Variants in TNN observed in about 807,000 individuals in gnomAD.
TNN encodes the protein tenascin-N.
TNN carries 122 observed loss-of-function variants against 134.4 expected under a neutral mutation model. The observed-to-expected ratio is 0.91, with a 90% CI of 0.78 to 1.06. The LOEUF (loss-of-function observed/expected upper bound fraction) is 1.06. Among genes scored for constraint, TNN ranks in the 50% least tolerant of loss-of-function variants. TNN has a pLI of 0.00. For synonymous variants in TNN, 710 were observed against 670.3 expected (o/e 1.06, Z -0.91); for missense variants, 1,739 against 1,699.4 (o/e 1.02, Z -0.41).
In TNN at chr1:175,137,015, A is replaced by G. The variant is rs781511143; in HGVS notation, c.3595+27A>G. Reference sequence around the variant, plus strand: ...TGAGAAAAAATGTTTTCTTACTGCGAAGGTCTCTTGCTGTCTGTTGTGTAA... The same window carrying G: ...TGAGAAAAAATGTTTTCTTACTGCGGAGGTCTCTTGCTGTCTGTTGTGTAA... On this transcript the variant is annotated intron_variant, in intron 17 of 18. Transcript: ENST00000239462. The G allele has an allele frequency of 3.7e-6, 6 of 1,611,270 alleles. No homozygotes were observed. In the Admixed American group the frequency reaches 1.0e-4, roughly 27 times the overall value.
At chr1:175,125,059 C>T (rs542961570) in intron 12 of TNN, among the ~76,000 whole-genome samples, 48 of 152,288 alleles carry the variant, frequency 3.2e-4, no homozygotes, top group African/African-American at 1.1e-3. Context: ...ACAGTTTTGC[C>T]TTGATTGTGA....
chr1:175,137,028 G>A lies in TNN; in HGVS notation c.3595+40G>A, dbSNP rs112118892. On this transcript the variant is annotated intron_variant, in intron 17 of 18. Transcript: ENST00000239462. ...TTTCTTACTGCGAAGGTCTCTTGCT[G>A]TCTGTTGTGTAAGGATTGGTTTGCC... 393 of 1,604,438 alleles carry A rather than the reference G, an allele frequency of 2.4e-4. 1 individual carries two copies. In the African/African-American group the frequency reaches 4.7e-3, roughly 19 times the overall value.
Position 175,103,263 on chromosome 1 carries a change from C to A in TNN, c.2119+4668C>A, listed in dbSNP as rs941460308. On this transcript the variant is annotated intron_variant, in intron 9 of 18. Coordinates refer to ENST00000239462, the MANE Select transcript of TNN (RefSeq NM_022093.2). ...GAAAGGCGTTGTCTGATTTCAGAAG[C>A]CTTTTCCTGTAAACTCCGGGCAGCA... Among the ~76,000 whole-genome samples the A allele has an allele frequency of 8.9e-5, 13 of 146,160 alleles. 1 individual carries two copies. Among genetic ancestry groups the A allele is most frequent in the African/African-American group, 2.5e-4 (10 of 40,512 alleles).
chr1:175,113,504 C>T (rs1675090393), intron 9 of TNN, among the ~76,000 whole-genome samples: 1 of 152,114 alleles, frequency 6.6e-6, no homozygotes, highest in African/African-American at 2.4e-5. Context: ...TTGTCTTTGA[C>T]TATTGACAAC....
At chr1:175,094,352 G>A (rs751139353) in intron 7 of TNN, 99 bp downstream of exon 7, 43 of 1,257,906 alleles carry the variant, frequency 3.4e-5, no homozygotes, top group Non-Finnish European at 4.4e-5. Context: ...CAGCTCTTTT[G>A]TTTGCAGGAG....
chr1:175,146,782 T>A, intron 18 of TNN, 149 bp from the exon 19 acceptor site: 4 of 745,028 alleles, frequency 5.4e-6, no homozygotes, highest in Non-Finnish European at 7.7e-6. Flanking sequence ...CCCTCCCTTC[T>A]CATCACCCCG....
At chr1:175,080,047 G>A (rs1400777223) in intron 3 of TNN, 116 bp from the exon 4 acceptor site, 4 of 1,396,718 alleles carry the variant, frequency 2.9e-6, no homozygotes, top group East Asian at 2.3e-5. Flanking sequence ...CGGGAATGGC[G>A]CCTTACACAG....
At position 175,085,475 on chromosome 1, in the gene TNN, C is replaced by T. The variant is rs1175468915; in HGVS notation, c.1305C>T (p.Ile435=). The T allele has an allele frequency of 1.9e-6, 3 of 1,612,078 alleles. No individual in the cohort carries two copies. In the South Asian group the frequency reaches 3.3e-5, roughly 18 times the overall value. ...PMRGELEGKP[I]LLNGRTEIDS... ...GAGGAGAGCTGGAGGGCAAGCCGAT[C>T]CTCCTGAATGGCAGGACAGGTGAGA... The change falls in exon 6 of 19, where the codon ATC becomes ATT. Residue 435 remains isoleucine (I), a synonymous_variant. Transcript: ENST00000239462.
At chr1:175,074,541 A>G (rs1673994884) in intron 1 of TNN, among the ~76,000 whole-genome samples, 1 of 151,386 alleles carries the variant, frequency 6.6e-6, no homozygotes, top group African/African-American at 2.4e-5. Flanking sequence ...CCCATGGTCC[A>G]AGTCACAAGA....
In TNN at chr1:175,077,833, C is replaced by G; in HGVS notation, c.409+6C>G. Reference sequence around the variant, plus strand: ...CTGCTGCCAGGGAGTCACTGGTGAGCTCACCACCTGGTATTCATTCAACAA... The same window carrying G: ...CTGCTGCCAGGGAGTCACTGGTGAGGTCACCACCTGGTATTCATTCAACAA... On this transcript the variant is annotated splice_donor_region_variant and intron_variant, in intron 2 of 18. Coordinates refer to ENST00000239462, the MANE Select transcript of TNN (RefSeq NM_022093.2). 1 of 1,605,570 alleles carries G rather than the reference C, an allele frequency of 6.2e-7. No homozygotes were observed. The highest frequency in any genetic ancestry group is 8.5e-7 in the Non-Finnish European group (1 of 1,173,308).
chr1:175,079,854 C>T, intron 3 of TNN, 147 bp downstream of exon 3: 3 of 1,190,280 alleles, frequency 2.5e-6, no homozygotes, highest in East Asian at 2.6e-5. Context: ...TCTGATTCTG[C>T]GATGGGGCCT....
At position 175,077,446 on chromosome 1, in the gene TNN, C is replaced by T. The variant is rs1408577192; in HGVS notation, c.28C>T (p.Pro10Ser). MSLQEMFRF[P>S]MGLLLGSVLL... is the part of the protein sequence containing the mutation. ...GAGTCTCCAGGAGATGTTCCGCTTC[C>T]CTATGGGGCTCCTGCTTGGCTCTGT... The change falls in exon 2 of 19, where the codon CCT becomes TCT. Residue 10 changes from proline (P) to serine (S), a missense_variant. Physicochemically the swap from Pro to Ser is moderately conservative, Grantham distance 74 (BLOSUM62 -1). Coordinates refer to ENST00000239462, the MANE Select transcript of TNN (RefSeq NM_022093.2). 6.2e-7 allele frequency: 1 copy of T among 1,613,662 alleles called. No homozygotes were observed. Among genetic ancestry groups the T allele is most frequent in the East Asian group, 2.2e-5 (1 of 44,886 alleles).
At chr1:175,123,775 T>C (rs1212890564) in intron 12 of TNN, 112 bp downstream of exon 12, 12 of 1,485,628 alleles carry the variant, frequency 8.1e-6, no homozygotes, top group Non-Finnish European at 1.0e-5. Context: ...CCCGAGGACA[T>C]TCTTCAAAGT....
chr1:175,142,619 C>T (rs1427736912), intron 17 of TNN, among the ~76,000 whole-genome samples: 1 of 131,668 alleles, frequency 7.6e-6, no homozygotes, highest in Non-Finnish European at 1.8e-5. Context: ...TTTCTTTTTT[C>T]TTTTCTTTTT....
At chr1:175,146,266 T>C (rs1406558983) in intron 18 of TNN, among the ~76,000 whole-genome samples, 1 of 152,170 alleles carries the variant, frequency 6.6e-6, no homozygotes, top group African/African-American at 2.4e-5. Flanking sequence ...ATAAAAGACA[T>C]TCATCTGTTT....
chr1:175,077,715 C>A lies in TNN; in HGVS notation c.297C>A (p.Cys99Ter), dbSNP rs747692641. Residue 99 changes from cysteine (C) to a stop codon, truncating the protein, a stop_gained, in exon 2 of 19, where the codon TGC (cysteine) becomes TGA (stop). Transcript: ENST00000239462. LOFTEE classifies it high-confidence loss of function. ...GCCTTCAGACGCCACAGAAGGACTG[C>A]GAGTTGGCAGGCAGTGTCCAGGACC... ...NIRLQTPQKD[C>*]ELAGSVQDLL... is the part of the protein sequence containing the mutation. 1.2e-6 allele frequency: 2 copies of A among 1,614,182 alleles called. No individual in the cohort carries two copies. Among genetic ancestry groups the A allele is most frequent in the East Asian group, 2.2e-5 (1 of 44,872 alleles).
intron 15 of TNN, among the ~76,000 whole-genome samples, chr1:175,129,304 AT>A (rs1429019410): frequency 6.6e-6 from 1 of 152,142 alleles, no homozygotes; most frequent in African/African-American, 2.4e-5. Context: ...AACACTGTCA[AT>A]CTGTTCCCTT....
At chr1:175,091,446 G>A (rs902222845) in intron 6 of TNN, among the ~76,000 whole-genome samples, 10 of 152,152 alleles carry the variant, frequency 6.6e-5, no homozygotes, top group African/African-American at 2.4e-4. Context: ...CATCCCTTGA[G>A]TGCTCTGGGA....
At chr1:175,136,713 G>A (rs1675820184) in intron 16 of TNN, 108 bp from the exon 17 acceptor site, 2 of 1,036,846 alleles carry the variant, frequency 1.9e-6, no homozygotes, top group African/African-American at 1.6e-5. Flanking sequence ...AGCAGAGAAG[G>A]TAAAGACTAA....
Sources: gnomAD v4.1 joint callset for allele counts (sites outside exome capture counted in the v4.1 genomes callset) on GRCh38, gnomAD v4.1.1 for gene constraint, MANE v1.5 for transcripts, NCBI Gene and HGNC (gene_info 2026-07-23, HGNC 2026-07-21) for gene names.